The following CTNNA2 variants were observed in gnomAD, a reference collection of about 807,000 sequenced individuals.
CTNNA2 encodes the protein catenin alpha 2.
In CTNNA2, 42 loss-of-function variants were observed where a neutral mutation model predicts 101.0. That is an observed-to-expected ratio of 0.42 (90% CI 0.32 to 0.54). The LOEUF (loss-of-function observed/expected upper bound fraction) is 0.54. Among genes scored for constraint, CTNNA2 ranks in the 20% least tolerant of loss-of-function variants. CTNNA2 has a pLI of 0.14. For missense variants in CTNNA2, 871 were observed against 1,223.1 expected (o/e 0.71, Z 4.29); for synonymous variants, 450 against 456.4 (o/e 0.99, Z 0.18).
chr2:79,582,379 A>G (rs747353802), intron 1 of CTNNA2, among the ~76,000 whole-genome samples: 8 of 152,164 alleles, frequency 5.3e-5, no homozygotes, highest in Non-Finnish European at 1.0e-4. Flanking sequence ...TACCTACCAT[A>G]TACATATCAT....
intron 2 of CTNNA2, among the ~76,000 whole-genome samples, chr2:79,707,202 G>A (rs544764446): frequency 6.6e-6 from 1 of 152,236 alleles, no homozygotes; most frequent in African/African-American, 2.4e-5. Flanking sequence ...AAAGAAGATG[G>A]TAGGATTTCA....
intron 4 of CTNNA2, among the ~76,000 whole-genome samples, chr2:79,389,741 A>G (rs17017029): frequency 0.05 from 7,563 of 152,252 alleles, 261 homozygotes; most frequent in Middle Eastern, 0.12. Flanking sequence ...CATAGATTAA[A>G]AGGTTTCTAA....
At chr2:80,016,320 G>A (rs1694141720) in intron 7 of CTNNA2, among the ~76,000 whole-genome samples, 1 of 152,162 alleles carries the variant, frequency 6.6e-6, no homozygotes, top group African/African-American at 2.4e-5. Flanking sequence ...GGAAGGCAGG[G>A]CGACAGTGCT....
At chr2:80,495,822 C>A (rs1239801755) in intron 9 of CTNNA2, among the ~76,000 whole-genome samples, 1 of 151,756 alleles carries the variant, frequency 6.6e-6, no homozygotes, top group Non-Finnish European at 1.5e-5. Context: ...TGCCTGTAAT[C>A]CCGGCTACTT....
intron 2 of CTNNA2, among the ~76,000 whole-genome samples, chr2:79,683,838 G>C (rs1257263570): frequency 1.3e-5 from 2 of 152,194 alleles, no homozygotes; most frequent in Admixed American, 6.5e-5. Flanking sequence ...GGAGAACCAG[G>C]CTCAAGATTT....
At chr2:79,775,021 T>A (rs1673860164) in intron 3 of CTNNA2, among the ~76,000 whole-genome samples, 1 of 152,192 alleles carries the variant, frequency 6.6e-6, no homozygotes, top group Admixed American at 6.5e-5. Context: ...TTAATACTGC[T>A]GAGCTTATCT....
chr2:80,450,783 A>G (rs575745697), intron 9 of CTNNA2, among the ~76,000 whole-genome samples: 1 of 152,328 alleles, frequency 6.6e-6, no homozygotes, highest in East Asian at 1.9e-4. Flanking sequence ...TGTTGATGGC[A>G]GAACTGTATT....
intron 18 of CTNNA2, among the ~76,000 whole-genome samples, chr2:80,630,672 A>T (rs186124787): frequency 6.6e-6 from 1 of 152,218 alleles, no homozygotes; most frequent in Admixed American, 6.5e-5. Flanking sequence ...TTAAAATAAA[A>T]TTTTTACATG....
chr2:80,255,832 C>A (rs866273971), intron 7 of CTNNA2, among the ~76,000 whole-genome samples: 1 of 152,180 alleles, frequency 6.6e-6, no homozygotes, highest in Non-Finnish European at 1.5e-5. Context: ...GTTGGCTTCA[C>A]AGGAATCACG....
intron 4 of CTNNA2, among the ~76,000 whole-genome samples, chr2:79,463,297 A>G (rs1469665673): frequency 2.6e-5 from 4 of 151,306 alleles, no homozygotes; most frequent in Admixed American, 6.6e-5. Context: ...AATCTCAGCT[A>G]CTCGGGAGGC....
At chr2:79,387,920 C>T (rs1009033372) in intron 4 of CTNNA2, among the ~76,000 whole-genome samples, 2 of 152,068 alleles carry the variant, frequency 1.3e-5, no homozygotes, top group African/African-American at 4.8e-5. Flanking sequence ...ATATAAGGAA[C>T]TAATATAACC....
chr2:80,109,123 C>G (rs181355420), intron 7 of CTNNA2, among the ~76,000 whole-genome samples: 1 of 152,294 alleles, frequency 6.6e-6, no homozygotes, highest in African/African-American at 2.4e-5. Flanking sequence ...GTTCCATGAA[C>G]AAAGTGTTTT....
At chr2:80,020,510 G>A (rs1198096945) in intron 7 of CTNNA2, among the ~76,000 whole-genome samples, 1 of 152,060 alleles carries the variant, frequency 6.6e-6, no homozygotes, top group Non-Finnish European at 1.5e-5. Context: ...CAGATGTGAA[G>A]GACCAGATCA....
intron 2 of CTNNA2, among the ~76,000 whole-genome samples, chr2:79,307,543 A>G (rs1049855873): frequency 1.3e-5 from 2 of 152,158 alleles, no homozygotes; most frequent in Non-Finnish European, 2.9e-5. Flanking sequence ...TGTTGCTGTG[A>G]ATGACAGGAT....
At chr2:80,304,980 A>G (rs1676782677) in intron 7 of CTNNA2, 10 of 798,746 alleles carry the variant, frequency 1.3e-5, no homozygotes, top group Non-Finnish European at 1.5e-5. Context: ...ACGACAAGAT[A>G]TTTCCAAGTG....
chr2:79,965,460 T>C (rs1317584193), intron 7 of CTNNA2, among the ~76,000 whole-genome samples: 1 of 152,148 alleles, frequency 6.6e-6, no homozygotes, highest in East Asian at 1.9e-4. Context: ...TTTACAGACT[T>C]TAGTCTCTAA....
chr2:79,583,750 T>C (rs1299550992), intron 1 of CTNNA2, among the ~76,000 whole-genome samples: 2 of 152,180 alleles, frequency 1.3e-5, no homozygotes, highest in Non-Finnish European at 2.9e-5. Flanking sequence ...TGGTATCTCA[T>C]AGTTTAATTT....
intron 2 of CTNNA2, among the ~76,000 whole-genome samples, chr2:79,261,357 C>T (rs1453263366): frequency 6.6e-6 from 1 of 152,234 alleles, no homozygotes. Flanking sequence ...CTGGGACACA[C>T]ATCTCACTAT....
intron 4 of CTNNA2, among the ~76,000 whole-genome samples, chr2:79,489,695 A>C (rs1671191056): frequency 1.3e-5 from 2 of 152,222 alleles, no homozygotes; most frequent in African/African-American, 4.8e-5. Context: ...GAATGAAAAG[A>C]AATCCCAGAG....
Sources: gnomAD v4.1 joint callset for allele counts (sites outside exome capture counted in the v4.1 genomes callset) on GRCh38, gnomAD v4.1.1 for gene constraint, MANE v1.5 for transcripts, NCBI Gene and HGNC (gene_info 2026-07-23, HGNC 2026-07-21) for gene names.